STK26: variants seen among roughly 807,000 people sequenced by gnomAD.
STK26 encodes serine/threonine-protein kinase 26.
A neutral mutation model predicts 34.7 loss-of-function variants in STK26; 14 were observed. That is an observed-to-expected ratio of 0.40 (90% CI 0.27 to 0.63). The LOEUF (loss-of-function observed/expected upper bound fraction) is 0.63, where lower values mean the gene tolerates loss of function less well. Ranked by LOEUF, STK26 falls within the 30% of genes least tolerant of loss-of-function variation. STK26 has a pLI of 0.38. For synonymous variants in STK26, 100 were observed against 109.8 expected (o/e 0.91, Z 0.56); for missense variants, 226 against 309.1 (o/e 0.73, Z 2.02).
At chrX:132,033,648 A>C (rs1459695067) in intron 2 of STK26, among the ~76,000 whole-genome samples, 1 of 111,864 alleles carries the variant, frequency 8.9e-6, no homozygotes, top group African/African-American at 3.3e-5. Flanking sequence ...GTGGTGACCC[A>C]GGTTTTATGT....
At chrX:132,059,954 T>C (rs1926993539) in intron 3 of STK26, among the ~76,000 whole-genome samples, 1 of 112,118 alleles carries the variant, frequency 8.9e-6, no homozygotes, top group African/African-American at 3.2e-5. Context: ...AGTTCTCTTA[T>C]AAAACTTGAA....
chrX:132,073,625 G>A lies in STK26; in HGVS notation c.1227-510G>A, dbSNP rs748277364. Among the ~76,000 whole-genome samples the A allele has an allele frequency of 4.5e-5, 5 of 112,187 alleles. No individual in the cohort carries two copies. The South Asian group carries it at 1.5e-3, about 33-fold the overall frequency. On this transcript the variant is annotated intron_variant, in intron 11 of 11. Coordinates refer to ENST00000394334, the MANE Select transcript of STK26 (RefSeq NM_016542.4). The stretch of plus-strand genomic sequence containing the variant: ...TTTGATTTTGTTCGCATTCAAAAAA[G>A]TTCTTACATTTAATTTTTTAAAAAA...
intron 4 of STK26, among the ~76,000 whole-genome samples, chrX:132,065,739 C>T (rs769046625): frequency 1.3e-4 from 14 of 111,958 alleles, no homozygotes; most frequent in Non-Finnish European, 1.7e-4. Flanking sequence ...AAATATTGGG[C>T]GGCCCTTTAG....
chrX:132,065,879 A>G (rs1251484271), intron 4 of STK26, among the ~76,000 whole-genome samples: 1 of 112,231 alleles, frequency 8.9e-6, no homozygotes, highest in African/African-American at 3.2e-5. Context: ...ACTAGACTTT[A>G]CAGGGAGAGC....
chrX:132,037,280 A>G (rs1452805971), intron 2 of STK26, among the ~76,000 whole-genome samples: 1 of 111,961 alleles, frequency 8.9e-6, no homozygotes, highest in Non-Finnish European at 1.9e-5. Context: ...TTGCACGTTT[A>G]TTGTGGCTAG....
At chrX:132,039,777 C>T (rs1293141418) in intron 2 of STK26, among the ~76,000 whole-genome samples, 1 of 111,843 alleles carries the variant, frequency 8.9e-6, no homozygotes, top group Non-Finnish European at 1.9e-5. Flanking sequence ...TTTAGGTTCT[C>T]CCTGGCAAAT....
At chrX:132,038,564 G>C (rs1177150987) in intron 2 of STK26, among the ~76,000 whole-genome samples, 1 of 110,661 alleles carries the variant, frequency 9.0e-6, no homozygotes, top group Non-Finnish European at 1.9e-5. Flanking sequence ...CATTTTGGGT[G>C]GCCTTTTTTT....
At chrX:132,070,608 T>C (rs911999499) in intron 7 of STK26, among the ~76,000 whole-genome samples, 1 of 112,745 alleles carries the variant, frequency 8.9e-6, no homozygotes, top group Non-Finnish European at 1.9e-5. Flanking sequence ...TTAGATGCAA[T>C]AGACATTGAT....
chrX:132,033,527 T>A (rs947843976), intron 2 of STK26, among the ~76,000 whole-genome samples: 4 of 112,188 alleles, frequency 3.6e-5, no homozygotes, highest in African/African-American at 1.3e-4. Context: ...TTAATTAGGA[T>A]CCTGTTTGAG....
chrX:132,045,533 A>T (rs191221182), intron 2 of STK26, among the ~76,000 whole-genome samples: 32 of 112,364 alleles, frequency 2.8e-4, no homozygotes, highest in African/African-American at 1.0e-3. Context: ...AATTTTCAAG[A>T]TAAGCAAAAT....
chrX:132,026,286 C>T (rs919512549), intron 2 of STK26, among the ~76,000 whole-genome samples: 1 of 111,850 alleles, frequency 8.9e-6, no homozygotes, highest in African/African-American at 3.3e-5. Flanking sequence ...CCCAGGATTT[C>T]GTCCAGTTCA....
rs5933061 is a variant in STK26 at position 132,074,567 on chromosome X, T to A, written c.*408T>A. The A allele has an allele frequency of 0.077, 8,682 of 112,681 alleles. 335 individuals are homozygous for A. The highest frequency in any genetic ancestry group is 0.1 in the Middle Eastern group (24 of 231). 9.3% of individuals were successfully genotyped at this position (112,681 alleles called of 1,213,427 possible). ...ATCAAGCTTCAAAAAGCTTTTTTTT[T>A]TAAAAAAAAACATGCATATTCTAAA... On this transcript the variant is annotated 3_prime_UTR_variant, in exon 12 of 12. Coordinates refer to ENST00000394334, the MANE Select transcript of STK26 (RefSeq NM_016542.4).
intron 6 of STK26, among the ~76,000 whole-genome samples, chrX:132,069,155 T>G (rs1226991298): frequency 8.3e-5 from 9 of 108,753 alleles, no homozygotes; most frequent in South Asian, 4.0e-4. Flanking sequence ...TTTATTGTCT[T>G]TCTTATTAGA....
chrX:132,054,689 C>T lies in STK26; in HGVS notation c.101C>T (p.Ser34Leu), dbSNP rs1330194851. 8.3e-7 allele frequency: 1 copy of T among 1,211,611 alleles called. No homozygotes were observed. Among genetic ancestry groups the T allele is most frequent in the Non-Finnish European group, 1.1e-6 (1 of 895,408 alleles). Residue 34 changes from serine (S) to leucine (L), a missense_variant, in exon 3 of 12, where the codon TCA becomes TTA. By Grantham distance (145) the Ser-to-Leu change is moderately radical. Coordinates refer to ENST00000394334, the MANE Select transcript of STK26 (RefSeq NM_016542.4). ...AAATTAGAGCGCATTGGGAAAGGCT[C>T]ATTTGGGGAAGTTTTCAAAGGAATT... is the stretch of plus-strand genomic sequence containing the variant. The part of the protein sequence containing the change: ...FTKLERIGKG[S>L]FGEVFKGIDN...
intron 2 of STK26, among the ~76,000 whole-genome samples, chrX:132,038,871 A>G (rs1926157545): frequency 9.0e-6 from 1 of 111,521 alleles, no homozygotes; most frequent in South Asian, 3.7e-4. Flanking sequence ...GCACCACTTG[A>G]TTTATGTTTT....
chrX:132,053,064 A>T (rs1407777195), intron 2 of STK26, among the ~76,000 whole-genome samples: 2 of 111,934 alleles, frequency 1.8e-5, no homozygotes, highest in African/African-American at 6.5e-5. Context: ...ATCAATAATG[A>T]TGGCACTCAA....
intron 2 of STK26, among the ~76,000 whole-genome samples, chrX:132,041,326 A>C (rs1358340168): frequency 9.0e-6 from 1 of 111,456 alleles, no homozygotes; most frequent in Non-Finnish European, 1.9e-5. Flanking sequence ...AAATTAGCCA[A>C]GGCAAGAAAT....
Position 132,057,866 on chromosome X carries a change from G to A in STK26, c.273+3005G>A, listed in dbSNP as rs755961310. 5.4e-5 allele frequency among the ~76,000 whole-genome samples: 6 copies of A among 111,545 alleles called. No homozygotes were observed. In the South Asian group the frequency reaches 2.3e-3, roughly 42 times the overall value. ...CTGCTGTCAAGGCACTCACAGTCCA[G>A]TTTTGCACTGAAATGATGCCAATTT... is the stretch of plus-strand genomic sequence containing the variant. On this transcript the variant is annotated intron_variant, in intron 3 of 11. Coordinates refer to ENST00000394334, the MANE Select transcript of STK26 (RefSeq NM_016542.4).
At chrX:132,073,158 A>G (rs762982528) in intron 11 of STK26, 65 bp downstream of exon 11, 78 of 1,063,156 alleles carry the variant, frequency 7.3e-5, no homozygotes, top group Non-Finnish European at 8.8e-5. Context: ...TTTATGATGC[A>G]ATGTAATTCC....
Sources: gnomAD v4.1 joint callset for allele counts (sites outside exome capture counted in the v4.1 genomes callset) on GRCh38, gnomAD v4.1.1 for gene constraint, MANE v1.5 for transcripts, NCBI Gene and HGNC (gene_info 2026-07-23, HGNC 2026-07-21) for gene names.